ERC1: variants seen among roughly 807,000 people sequenced by gnomAD.
ERC1 encodes RAB6 interacting protein 2.
Under a neutral mutation model 132.0 loss-of-function variants are expected in ERC1, and 56 were observed. That is an observed-to-expected ratio of 0.42 (90% CI 0.34 to 0.53). The LOEUF (loss-of-function observed/expected upper bound fraction) is 0.53. ERC1 is among the 20% of genes least tolerant of loss of function. The pLI is 0.03. For missense variants in ERC1, 1,202 were observed against 1,349.9 expected, an observed-to-expected ratio of 0.89 and a Z score of 1.72; for synonymous variants, 478 against 476.1, an observed-to-expected ratio of 1.00 and a Z score of -0.05.
intron 15 of ERC1, among the ~76,000 whole-genome samples, chr12:1,297,862 A>C (rs1473860873): frequency 2.0e-5 from 3 of 152,240 alleles, no homozygotes; most frequent in Non-Finnish European, 4.4e-5. Flanking sequence ...GTAAAAGTGA[A>C]AGATGGGACA....
intron 1 of ERC1, among the ~76,000 whole-genome samples, chr12:1,006,350 C>G (rs1157567073): frequency 6.6e-6 from 1 of 152,150 alleles, no homozygotes; most frequent in Non-Finnish European, 1.5e-5. Flanking sequence ...CCTTCTGCTT[C>G]AACCTTCCAA....
intron 15 of ERC1, among the ~76,000 whole-genome samples, chr12:1,355,879 A>G (rs2085471423): frequency 6.6e-6 from 1 of 152,134 alleles, no homozygotes; most frequent in African/African-American, 2.4e-5. Context: ...GCTTTAACGT[A>G]AGGTAAAATA....
intron 18 of ERC1, among the ~76,000 whole-genome samples, chr12:1,462,504 G>T (rs2093663105): frequency 6.6e-6 from 1 of 152,148 alleles, no homozygotes; most frequent in African/African-American, 2.4e-5. Flanking sequence ...CAATAGAAAA[G>T]AATGAACTAC....
chr12:1,222,508 C>G (rs1008110582), intron 12 of ERC1, among the ~76,000 whole-genome samples: 4 of 152,142 alleles, frequency 2.6e-5, no homozygotes, highest in African/African-American at 9.7e-5. Flanking sequence ...AGCCACCACA[C>G]CTGGCCCATA....
intron 2 of ERC1, among the ~76,000 whole-genome samples, chr12:1,050,787 C>T (rs1971818676): frequency 1.3e-5 from 2 of 152,090 alleles, no homozygotes; most frequent in African/African-American, 4.8e-5. Flanking sequence ...GGGTTGATCA[C>T]GAGGTGAAGG....
At chr12:1,148,292 G>A (rs1428478125) in intron 8 of ERC1, among the ~76,000 whole-genome samples, 2 of 152,124 alleles carry the variant, frequency 1.3e-5, no homozygotes, top group South Asian at 2.1e-4. Context: ...TATCTGAGTC[G>A]CTAGGGAGGC....
At chr12:1,004,806 CTGTGTGTGTGTG>C (rs60674277) in intron 1 of ERC1, among the ~76,000 whole-genome samples, 21,704 of 146,828 alleles carry the variant, frequency 0.15, 2,023 homozygotes, top group African/African-American at 0.24. Context: ...CTGCCTTTTT[CTGTGTGTGTGTG>C]TGTGTGTGTG....
At chr12:1,394,226 C>T (rs886384208) in intron 16 of ERC1, among the ~76,000 whole-genome samples, 5 of 151,094 alleles carry the variant, frequency 3.3e-5, no homozygotes, top group East Asian at 2.0e-4. Context: ...CGGTGAAACC[C>T]CATCTCTACT....
At chr12:1,279,659 T>C (rs1274810075) in intron 14 of ERC1, among the ~76,000 whole-genome samples, 1 of 55,536 alleles carries the variant, frequency 1.8e-5, no homozygotes, top group Non-Finnish European at 4.1e-5. Flanking sequence ...CAAAGCAGAC[T>C]TTTTTTTTTT....
chr12:1,127,295 A>G (rs887720213), intron 7 of ERC1, among the ~76,000 whole-genome samples: 4 of 152,206 alleles, frequency 2.6e-5, no homozygotes, highest in African/African-American at 9.7e-5. Flanking sequence ...TATTTCCCAG[A>G]AAAACTTTCC....
chr12:1,124,780 A>G (rs575122218), intron 7 of ERC1, among the ~76,000 whole-genome samples: 261 of 152,276 alleles, frequency 1.7e-3, no homozygotes, highest in South Asian at 4.8e-3. Context: ...TAAAAATAAT[A>G]TAAGACAACT....
intron 17 of ERC1, among the ~76,000 whole-genome samples, chr12:1,431,318 C>A (rs943176414): frequency 6.6e-6 from 1 of 152,102 alleles, no homozygotes; most frequent in African/African-American, 2.4e-5. Context: ...CTGTTTTGAA[C>A]CAATTAGTGT....
At chr12:1,065,203 G>C (rs537213641) in intron 2 of ERC1, among the ~76,000 whole-genome samples, 6 of 152,036 alleles carry the variant, frequency 3.9e-5, no homozygotes, top group African/African-American at 1.4e-4. Context: ...GTTTCACCAT[G>C]ATGGCCAGGC....
chr12:1,184,310 T>C (rs1413207275), intron 11 of ERC1, among the ~76,000 whole-genome samples: 4 of 149,274 alleles, frequency 2.7e-5, no homozygotes, highest in Non-Finnish European at 5.9e-5. Context: ...GCACATATTG[T>C]CAGAAAGTTT....
chr12:1,482,076 G>A (rs2094103850), intron 18 of ERC1, among the ~76,000 whole-genome samples: 2 of 152,070 alleles, frequency 1.3e-5, no homozygotes, highest in Admixed American at 6.6e-5. Context: ...GTGTGGCCTC[G>A]CTGAAACTGT....
intron 6 of ERC1, among the ~76,000 whole-genome samples, chr12:1,113,011 A>G (rs940015636): frequency 6.6e-6 from 1 of 152,216 alleles, no homozygotes; most frequent in Non-Finnish European, 1.5e-5. Context: ...CTGAACATGT[A>G]CAGGCTTTTT....
At position 1,408,189 on chromosome 12, in the gene ERC1, A is replaced by G. The variant is rs113968108; in HGVS notation, c.2966A>G (p.Asp989Gly). The G allele has an allele frequency of 2.3e-5, 37 of 1,614,108 alleles. No homozygotes were observed. In the African/African-American group the frequency reaches 4.5e-4, roughly 20 times the overall value. Residue 989 changes from aspartate to glycine, a missense_variant, in exon 17 of 19, where the codon GAT becomes GGT. Transcript: ENST00000360905. ...RMKLMADNYE[D>G]DHFKSSHSNQ... ...AAGCTAATGGCCGACAACTACGAGG[A>G]TGACCACTTCAAATCCTCCCATTCC...
chr12:1,476,215 C>T (rs1021704304), intron 18 of ERC1, among the ~76,000 whole-genome samples: 5 of 150,888 alleles, frequency 3.3e-5, no homozygotes, highest in African/African-American at 1.2e-4. Flanking sequence ...GAGATCACGC[C>T]ACTACACTCC....
intron 15 of ERC1, among the ~76,000 whole-genome samples, chr12:1,340,585 G>A (rs1442558953): frequency 5.3e-5 from 8 of 152,104 alleles, no homozygotes; most frequent in Admixed American, 4.6e-4. Context: ...GGCTAGGAAC[G>A]AGTCCCTGTG....
Sources: gnomAD v4.1 joint callset for allele counts (sites outside exome capture counted in the v4.1 genomes callset) on GRCh38, gnomAD v4.1.1 for gene constraint, MANE v1.5 for transcripts, NCBI Gene and HGNC (gene_info 2026-07-23, HGNC 2026-07-21) for gene names.